Variants in ADGRB3 observed in about 807,000 individuals in gnomAD.
ADGRB3 encodes the protein brain-specific angiogenesis inhibitor 3.
Under a neutral mutation model 193.4 loss-of-function variants are expected in ADGRB3, and 37 were observed. The ratio of observed to expected loss-of-function variants is 0.19; its 90% confidence interval spans 0.15 to 0.25. The LOEUF is 0.25. Among genes scored for constraint, ADGRB3 ranks in the 10% least tolerant of loss-of-function variants. The probability of loss-of-function intolerance (pLI) is 1.00; values close to 1 mark genes in which losing one functional copy is unlikely to be tolerated. For synonymous variants in ADGRB3, 690 were observed against 644.2 expected (o/e 1.07, Z -1.08); for missense variants, 1,637 against 1,852.9 (o/e 0.88, Z 2.14).
At chr6:69,229,050 GT>G in intron 17 of ADGRB3, among the ~76,000 whole-genome samples, 1 of 152,226 alleles carries the variant, frequency 6.6e-6, no homozygotes, top group Middle Eastern at 3.4e-3. Context: ...TGTACATTCA[GT>G]GTTGAAAATC....
chr6:68,879,419 G>A (rs979503978), intron 3 of ADGRB3, among the ~76,000 whole-genome samples: 4 of 151,564 alleles, frequency 2.6e-5, no homozygotes, highest in South Asian at 2.1e-4. Context: ...TAGTAGAGAC[G>A]GGGTTTCACC....
chr6:69,349,411 A>C (rs187944192), intron 26 of ADGRB3, among the ~76,000 whole-genome samples: 46 of 152,344 alleles, frequency 3.0e-4, no homozygotes, highest in African/African-American at 9.1e-4. Flanking sequence ...TGAAATTTGC[A>C]TCTGGAATGC....
At chr6:69,206,748 G>C (rs1439938478) in intron 17 of ADGRB3, among the ~76,000 whole-genome samples, 1 of 152,156 alleles carries the variant, frequency 6.6e-6, no homozygotes, top group Non-Finnish European at 1.5e-5. Context: ...TACAGTCCTC[G>C]TTTCTGCAGC....
intron 20 of ADGRB3, among the ~76,000 whole-genome samples, chr6:69,291,511 T>C (rs1767668251): frequency 6.6e-6 from 1 of 152,154 alleles, no homozygotes; most frequent in Admixed American, 6.6e-5. Flanking sequence ...TTATTTAAGC[T>C]TTTCATAATT....
At chr6:68,710,254 T>TA (rs1160711664) in intron 3 of ADGRB3, among the ~76,000 whole-genome samples, 7 of 152,166 alleles carry the variant, frequency 4.6e-5, no homozygotes, top group Admixed American at 4.6e-4. Context: ...GCCCTTTTTT[T>TA]ATCTGGTTCT....
At chr6:69,187,793 T>C (rs1056345450) in intron 17 of ADGRB3, among the ~76,000 whole-genome samples, 7 of 152,122 alleles carry the variant, frequency 4.6e-5, no homozygotes, top group Non-Finnish European at 1.0e-4. Context: ...GAAAGGAGAT[T>C]GGAGGCACAG....
At chr6:69,165,183 C>T (rs1307023684) in intron 17 of ADGRB3, among the ~76,000 whole-genome samples, 1 of 152,048 alleles carries the variant, frequency 6.6e-6, no homozygotes, top group Non-Finnish European at 1.5e-5. Flanking sequence ...AACACAGATC[C>T]TTTTGAAAAT....
At chr6:69,044,658 A>T (rs1056206751) in intron 13 of ADGRB3, among the ~76,000 whole-genome samples, 4 of 152,238 alleles carry the variant, frequency 2.6e-5, no homozygotes, top group Non-Finnish European at 2.9e-5. Flanking sequence ...AAATGAAAGT[A>T]TTAAAATTGC....
chr6:68,751,758 A>T (rs980896700), intron 3 of ADGRB3, among the ~76,000 whole-genome samples: 1 of 152,156 alleles, frequency 6.6e-6, no homozygotes, highest in East Asian at 1.9e-4. Flanking sequence ...GTGCTAAAAA[A>T]ATCCTGTTTC....
At position 69,043,321 on chromosome 6, in the gene ADGRB3, A is replaced by AAAGAAAGGAAGG. The variant is rs1554252099; in HGVS notation, c.2108-4857_2108-4856insGAAGGAAGAAAG. Among the ~76,000 whole-genome samples the AAAGAAAGGAAGG allele has an allele frequency of 9.3e-3, 485 of 52,004 alleles. 22 individuals are homozygous for AAAGAAAGGAAGG. The highest frequency in any genetic ancestry group is 0.026 in the African/African-American group (324 of 12,378). The allele number at this position is 52,004 out of a possible 152,430, so 34.1% of individuals were successfully genotyped here. A position where few individuals can be genotyped will look rare whatever the true frequency, so the allele number is the denominator to read the frequency against. On this transcript the variant is annotated intron_variant, in intron 13 of 31. Transcript: ENST00000370598. ...GAAAGAAAGAAAGAAAGAAAGAAAGAAAGAAAGAAAGAGAAAGAAAAGAAG... is the reference window on the plus strand; with the variant it reads ...GAAAGAAAGAAAGAAAGAAAGAAAGAAAGAAAGGAAGGAAGAAAGAAAGAGAAAGAAAAGAAG...
chr6:69,387,703 G>T (rs373108677), intron 31 of ADGRB3, among the ~76,000 whole-genome samples: 2 of 151,892 alleles, frequency 1.3e-5, no homozygotes, highest in South Asian at 2.1e-4. Flanking sequence ...CATGGTTTAG[G>T]TATGATAAGT....
chr6:69,119,677 A>T lies in ADGRB3; in HGVS notation c.2480+43639A>T, dbSNP rs1011837624. On this transcript the variant is annotated intron_variant, in intron 17 of 31. Transcript: ENST00000370598. ...TTAAATTGGAGAGTGCCAGGCTTACACAAAGAAGAACAAGGAGACCTGTAT... is the reference window on the plus strand; with the variant it reads ...TTAAATTGGAGAGTGCCAGGCTTACTCAAAGAAGAACAAGGAGACCTGTAT... Among the ~76,000 whole-genome samples the T allele has an allele frequency of 2.6e-5, 4 of 152,184 alleles. No individual in the cohort carries two copies. In the East Asian group the frequency reaches 5.8e-4, roughly 22 times the overall value.
At chr6:69,045,355 C>A (rs1771205668) in intron 13 of ADGRB3, among the ~76,000 whole-genome samples, 1 of 152,052 alleles carries the variant, frequency 6.6e-6, no homozygotes, top group African/African-American at 2.4e-5. Flanking sequence ...ATATGTATAA[C>A]TTTAAATTTC....
chr6:69,268,993 ATAT>A (rs1349618507), intron 20 of ADGRB3, among the ~76,000 whole-genome samples: 2 of 152,134 alleles, frequency 1.3e-5, no homozygotes, highest in African/African-American at 2.4e-5. Flanking sequence ...ATCATCATAA[ATAT>A]TATTCTTTTA....
intron 15 of ADGRB3, among the ~76,000 whole-genome samples, chr6:69,061,795 G>A (rs574452953): frequency 1.4e-3 from 61 of 43,692 alleles, no homozygotes; most frequent in Admixed American, 0.013. Flanking sequence ...CAGCATGTCC[G>A]TGGTTGCCTG....
chr6:68,645,644 G>A (rs988990825), intron 3 of ADGRB3, among the ~76,000 whole-genome samples: 3 of 152,096 alleles, frequency 2.0e-5, no homozygotes, highest in African/African-American at 4.8e-5. Flanking sequence ...CTCAAGTTAT[G>A]TTAGGCCCTC....
intron 12 of ADGRB3, among the ~76,000 whole-genome samples, chr6:69,014,784 A>G (rs1208019140): frequency 6.6e-6 from 1 of 152,034 alleles, no homozygotes; most frequent in Non-Finnish European, 1.5e-5. Flanking sequence ...ATTTAGTTTA[A>G]CTGGATGTCA....
At chr6:69,380,472 G>A (rs183319355) in intron 30 of ADGRB3, among the ~76,000 whole-genome samples, 2 of 152,042 alleles carry the variant, frequency 1.3e-5, no homozygotes, top group East Asian at 3.9e-4. Context: ...TCTTAGAAGA[G>A]AATGAGTTTC....
At chr6:68,647,015 T>C (rs1419880894) in intron 3 of ADGRB3, among the ~76,000 whole-genome samples, 3 of 152,210 alleles carry the variant, frequency 2.0e-5, no homozygotes, top group African/African-American at 7.2e-5. Context: ...TTTCCGTATT[T>C]CATGTGTGTA....
Sources: allele counts gnomAD v4.1 joint callset (sites outside exome capture counted in the v4.1 genomes callset), GRCh38; gene constraint gnomAD v4.1.1; transcripts MANE v1.5; gene names NCBI Gene and HGNC (gene_info 2026-07-23, HGNC 2026-07-21).